Variants in CFAP45 observed in about 807,000 individuals in gnomAD.
CFAP45 encodes the protein cilia- and flagella-associated protein 45.
A neutral mutation model predicts 75.6 loss-of-function variants in CFAP45; 43 were observed. The observed-to-expected ratio is 0.57, with a 90% CI of 0.45 to 0.73. The LOEUF (loss-of-function observed/expected upper bound fraction) is 0.73, where lower values mean the gene tolerates loss of function less well. Ranked by LOEUF, CFAP45 falls within the 30% of genes least tolerant of loss-of-function variation. The pLI, the probability that CFAP45 is intolerant of heterozygous loss-of-function variation, is 0.00. For missense variants in CFAP45, 689 were observed against 701.5 expected (o/e 0.98, Z 0.20); for synonymous variants, 223 against 244.6 (o/e 0.91, Z 0.82).
chr1:159,893,040 G>T, intron 2 of CFAP45, 140 bp downstream of exon 2: 1 of 883,962 alleles, frequency 1.1e-6, no homozygotes, highest in South Asian at 1.6e-5. Flanking sequence ...CTGCAGCTCA[G>T]GTCTCAGAAT....
chr1:159,888,824 C>T (rs531547043), intron 3 of CFAP45, among the ~76,000 whole-genome samples: 1 of 150,656 alleles, frequency 6.6e-6, no homozygotes, highest in Admixed American at 6.6e-5. Flanking sequence ...TCACCTCCTC[C>T]TCTGAGCCCA....
rs574925352 is a variant in CFAP45 at position 159,896,646 on chromosome 1, A to G, written c.4-3341T>C. On this transcript the variant is annotated intron_variant, in intron 1 of 11. Coordinates refer to ENST00000368099, the MANE Select transcript of CFAP45 (RefSeq NM_012337.3). Reference sequence around the variant, plus strand: ...AGAAGCTGAACAGTGCCTAAGGAGAAGCACATCCAGTCCTGCTTGCAGGAA... The same window carrying G: ...AGAAGCTGAACAGTGCCTAAGGAGAGGCACATCCAGTCCTGCTTGCAGGAA... 3.9e-5 allele frequency among the ~76,000 whole-genome samples: 6 copies of G among 152,328 alleles called. No individual in the cohort carries two copies. In the South Asian group the frequency reaches 1.2e-3, roughly 32 times the overall value.
chr1:159,900,051 CA>C, intron 1 of CFAP45, 44 bp downstream of exon 1: 1 of 1,612,980 alleles, frequency 6.2e-7, no homozygotes. Context: ...TCAGAGCCCC[CA>C]CCCAATTCAG....
intron 7 of CFAP45, 125 bp downstream of exon 7, chr1:159,884,311 G>A (rs1002821942): frequency 3.1e-5 from 30 of 969,692 alleles, no homozygotes; most frequent in Non-Finnish European, 4.3e-5. Context: ...AAAGTTGACG[G>A]TGATGATGTT....
At chr1:159,882,203 T>C (rs1649565325) in intron 7 of CFAP45, among the ~76,000 whole-genome samples, 2 of 152,136 alleles carry the variant, frequency 1.3e-5, no homozygotes, top group African/African-American at 4.8e-5. Flanking sequence ...CACTCCACTT[T>C]TCCCTTTCTG....
intron 1 of CFAP45, among the ~76,000 whole-genome samples, chr1:159,898,999 T>G (rs895762678): frequency 6.6e-6 from 1 of 152,196 alleles, no homozygotes; most frequent in African/African-American, 2.4e-5. Flanking sequence ...TGTCCACAAG[T>G]ACATCCAAGT....
intron 1 of CFAP45, among the ~76,000 whole-genome samples, chr1:159,895,935 T>C (rs1290270159): frequency 6.6e-6 from 1 of 152,194 alleles, no homozygotes; most frequent in Non-Finnish European, 1.5e-5. Flanking sequence ...GAAGAATGAA[T>C]AAAACCGAAC....
intron 9 of CFAP45, among the ~76,000 whole-genome samples, 153 bp downstream of exon 9, chr1:159,877,196 C>T (rs1420931094): frequency 6.6e-6 from 1 of 152,202 alleles, no homozygotes; most frequent in Non-Finnish European, 1.5e-5. Context: ...GCCCTGGGAG[C>T]AGGCCACCCC....
At position 159,876,714 on chromosome 1, in the gene CFAP45, T is replaced by A; in HGVS notation, c.1194A>T (p.Ala398=). ...ALRAKRNQEV[A]DREWRRKEKE... The stretch of plus-strand genomic sequence containing the variant: ...TTTCCTTTCTGCGCCACTCTCTGTC[T>A]GCAACCTCCTGGTTGCGCTTGGCCC... The change falls in exon 10 of 12, where the codon GCA becomes GCT. Residue 398 remains alanine (A), a synonymous_variant. Coordinates refer to ENST00000368099, the MANE Select transcript of CFAP45 (RefSeq NM_012337.3). 6.2e-7 allele frequency: 1 copy of A among 1,614,208 alleles called. No individual in the cohort carries two copies. The highest frequency in any genetic ancestry group is 8.5e-7 in the Non-Finnish European group (1 of 1,180,030).
rs756128446 is a variant in CFAP45 at position 159,893,239 on chromosome 1, G to A, written c.70C>T (p.Arg24Cys). The A allele has an allele frequency of 1.2e-5, 19 of 1,613,998 alleles. No individual in the cohort carries two copies. The highest frequency in any genetic ancestry group is 2.2e-5 in the East Asian group (1 of 44,886). The stretch of plus-strand genomic sequence containing the variant: ...GAGCTCACGGCTTTGGTCCGATAGC[G>A]AGCCTTATTCCTTGACCTGTTGGAA... Reference protein sequence around the residue: ...AASNRSRNKARYRTKAVSSEV... With the variant: ...AASNRSRNKACYRTKAVSSEV... The change falls in exon 2 of 12, where the codon CGC becomes TGC. Residue 24 changes from arginine to cysteine, a missense_variant. By Grantham distance (180) the Arg-to-Cys change is radical. Coordinates refer to ENST00000368099, the MANE Select transcript of CFAP45 (RefSeq NM_012337.3).
intron 1 of CFAP45, among the ~76,000 whole-genome samples, chr1:159,894,941 T>C (rs917785597): frequency 5.3e-5 from 8 of 152,290 alleles, no homozygotes; most frequent in African/African-American, 1.9e-4. Flanking sequence ...GTTTTGGGGG[T>C]GCAACAGTGC....
chr1:159,888,261 C>T, intron 4 of CFAP45, 91 bp downstream of exon 4: 3 of 1,335,202 alleles, frequency 2.2e-6, no homozygotes, highest in Non-Finnish European at 3.1e-6. Context: ...ATAATTTGTG[C>T]CTCATTTCAG....
At chr1:159,886,872 T>G (rs1050860304) in intron 5 of CFAP45, among the ~76,000 whole-genome samples, 183 bp from the exon 6 acceptor site, 1 of 152,132 alleles carries the variant, frequency 6.6e-6, no homozygotes, top group African/African-American at 2.4e-5. Context: ...GCTCAAAGAT[T>G]TACTGGCCTC....
chr1:159,899,442 A>G (rs1372689004), intron 1 of CFAP45, among the ~76,000 whole-genome samples: 2 of 85,554 alleles, frequency 2.3e-5, no homozygotes, highest in Non-Finnish European at 5.8e-5. Context: ...ACGACCCATT[A>G]TCTGGCCTCC....
intron 8 of CFAP45, 67 bp from the exon 9 acceptor site, chr1:159,877,529 C>T: frequency 1.8e-6 from 2 of 1,086,696 alleles, no homozygotes; most frequent in Admixed American, 1.7e-5. Context: ...AAACAAAACC[C>T]CTACAACAGA....
chr1:159,878,760 A>AC (rs1649472899), intron 8 of CFAP45, among the ~76,000 whole-genome samples: 1 of 102,640 alleles, frequency 9.7e-6, no homozygotes, highest in African/African-American at 4.2e-5. Flanking sequence ...ATCTAAAAAA[A>AC]AAAAAAAAAA....
intron 3 of CFAP45, 29 bp from the exon 4 acceptor site, chr1:159,888,525 G>A: frequency 6.2e-7 from 1 of 1,608,964 alleles, no homozygotes. Context: ...GAGTTAGGGA[G>A]GGGAGAGGGA....
intron 6 of CFAP45, among the ~76,000 whole-genome samples, chr1:159,884,994 G>T (rs1414554897): frequency 1.3e-5 from 2 of 152,214 alleles, no homozygotes; most frequent in African/African-American, 4.8e-5. Flanking sequence ...AAGCAATGTT[G>T]TCAGTGATTC....
At chr1:159,896,966 T>C (rs1358569606) in intron 1 of CFAP45, among the ~76,000 whole-genome samples, 2 of 152,196 alleles carry the variant, frequency 1.3e-5, no homozygotes, top group African/African-American at 2.4e-5. Context: ...GAAAACAGAC[T>C]GTAAGAAACG....
Sources: allele counts gnomAD v4.1 joint callset (sites outside exome capture counted in the v4.1 genomes callset), GRCh38; gene constraint gnomAD v4.1.1; transcripts MANE v1.5; gene names NCBI Gene and HGNC (gene_info 2026-07-23, HGNC 2026-07-21).